AMMECR1: variants seen among roughly 807,000 people sequenced by gnomAD.
AMMECR1 encodes the protein nuclear protein AMMECR1.
In AMMECR1, 3 loss-of-function variants were observed where a neutral mutation model predicts 22.5. The ratio of observed to expected loss-of-function variants is 0.13; its 90% CI spans 0.06 to 0.35. The LOEUF is 0.35. AMMECR1 is among the 10% of genes least tolerant of loss of function. AMMECR1 has a pLI of 1.00. For synonymous variants in AMMECR1, 130 were observed against 116.7 expected (o/e 1.11, Z -0.74); for missense variants, 235 against 278.7 (o/e 0.84, Z 1.12).
chrX:110,433,503 A>G (rs1174169888), intron 1 of AMMECR1, among the ~76,000 whole-genome samples: 2 of 111,686 alleles, frequency 1.8e-5, no homozygotes, highest in African/African-American at 6.5e-5. Flanking sequence ...GAAGGAAGGG[A>G]AAAACTGGAG....
At chrX:110,345,045 T>C (rs1270381639) in intron 2 of AMMECR1, among the ~76,000 whole-genome samples, 1 of 112,048 alleles carries the variant, frequency 8.9e-6, no homozygotes, top group Non-Finnish European at 1.9e-5. Flanking sequence ...CACATGCACA[T>C]GTATGTTTAT....
intron 1 of AMMECR1, among the ~76,000 whole-genome samples, chrX:110,281,226 G>A (rs986349312): frequency 8.9e-6 from 1 of 112,050 alleles, no homozygotes; most frequent in Admixed American, 9.5e-5. Context: ...TTAAACTCAA[G>A]TATATTTGCC....
At chrX:110,225,692 A>C (rs1459580590) in intron 2 of AMMECR1, among the ~76,000 whole-genome samples, 1 of 112,255 alleles carries the variant, frequency 8.9e-6, no homozygotes, top group Non-Finnish European at 1.9e-5. Flanking sequence ...ATTGGTACTC[A>C]AAAGTTTTGG....
chrX:110,345,212 G>A (rs1290389279), intron 2 of AMMECR1, among the ~76,000 whole-genome samples: 3 of 111,104 alleles, frequency 2.7e-5, no homozygotes, highest in Non-Finnish European at 5.7e-5. Context: ...GGATGAAGCT[G>A]GAAACCATCA....
At chrX:110,386,866 AAC>A (rs1174543075) in intron 2 of AMMECR1, among the ~76,000 whole-genome samples, 5 of 112,464 alleles carry the variant, frequency 4.4e-5, no homozygotes, top group Non-Finnish European at 9.4e-5. Context: ...AGAGCTTCAT[AAC>A]ACAGAAGAGA....
At chrX:110,354,261 A>C (rs1434498292) in intron 2 of AMMECR1, among the ~76,000 whole-genome samples, 1 of 111,983 alleles carries the variant, frequency 8.9e-6, no homozygotes, top group Non-Finnish European at 1.9e-5. Flanking sequence ...ATTTCAACAT[A>C]CAGCGAGCCC....
At chrX:110,297,288 C>A (rs1463845934) in intron 1 of AMMECR1, among the ~76,000 whole-genome samples, 1 of 111,842 alleles carries the variant, frequency 8.9e-6, no homozygotes, top group Non-Finnish European at 1.9e-5. Context: ...CAGGCAGATA[C>A]AGTATTAAAC....
intron 1 of AMMECR1, among the ~76,000 whole-genome samples, chrX:110,296,831 A>C (rs748220551): frequency 2.8e-4 from 31 of 110,529 alleles, no homozygotes; most frequent in African/African-American, 9.8e-4. Context: ...ACAATAACAG[A>C]TTTAAAGTTT....
chrX:110,342,451 A>C (rs1053306174), intron 2 of AMMECR1, among the ~76,000 whole-genome samples: 4 of 110,429 alleles, frequency 3.6e-5, no homozygotes, highest in Non-Finnish European at 7.6e-5. Flanking sequence ...AGCTCACTGC[A>C]CCCTCCGCCT....
At chrX:110,226,792 T>C (rs1406482053) in intron 2 of AMMECR1, among the ~76,000 whole-genome samples, 1 of 111,871 alleles carries the variant, frequency 8.9e-6, no homozygotes, top group Non-Finnish European at 1.9e-5. Flanking sequence ...CTTCCGTTCA[T>C]AGGATTTAAC....
chrX:110,379,912 T>C (rs1049656126), intron 2 of AMMECR1, among the ~76,000 whole-genome samples: 13 of 111,659 alleles, frequency 1.2e-4, no homozygotes, highest in Admixed American at 1.0e-3. Context: ...TATCATAAAA[T>C]TTATTTCTTG....
intron 2 of AMMECR1, among the ~76,000 whole-genome samples, chrX:110,351,102 A>G (rs1175116370): frequency 1.8e-5 from 2 of 112,711 alleles, no homozygotes; most frequent in African/African-American, 3.2e-5. Flanking sequence ...GTGGAAGAAA[A>G]CATAAGTAAA....
intron 2 of AMMECR1, among the ~76,000 whole-genome samples, chrX:110,235,930 G>T (rs769832419): frequency 4.5e-5 from 5 of 110,552 alleles, no homozygotes; most frequent in African/African-American, 1.6e-4. Flanking sequence ...CCTGCACGTT[G>T]TGCAGACGTA....
intron 2 of AMMECR1, among the ~76,000 whole-genome samples, chrX:110,228,353 C>A (rs1164147156): frequency 1.8e-5 from 2 of 111,101 alleles, no homozygotes; most frequent in African/African-American, 6.6e-5. Flanking sequence ...CAAATGTCAG[C>A]TAGAAGCGCT....
intron 1 of AMMECR1, among the ~76,000 whole-genome samples, chrX:110,281,772 C>T (rs890511259): frequency 1.8e-5 from 2 of 112,049 alleles, no homozygotes; most frequent in African/African-American, 3.2e-5. Flanking sequence ...TGATAGATAC[C>T]ACAATTTAGT....
At chrX:110,290,279 G>A (rs1421887006) in intron 1 of AMMECR1, among the ~76,000 whole-genome samples, 1 of 111,260 alleles carries the variant, frequency 9.0e-6, no homozygotes, top group African/African-American at 3.3e-5. Context: ...TCTCACCCTT[G>A]CCTCCCCCGT....
At chrX:110,246,355 ATAAAAG>A (rs1343407766) in intron 2 of AMMECR1, among the ~76,000 whole-genome samples, 2 of 112,384 alleles carry the variant, frequency 1.8e-5, no homozygotes, top group Non-Finnish European at 3.8e-5. Context: ...ATTCCTAAAA[ATAAAAG>A]TAAATCACCT....
intron 2 of AMMECR1, among the ~76,000 whole-genome samples, chrX:110,382,309 A>G (rs1263499650): frequency 9.1e-6 from 1 of 109,397 alleles, no homozygotes; most frequent in Admixed American, 9.7e-5. Context: ...CGAATAAGCA[A>G]CGTTCCAATT....
At chrX:110,432,410 T>G (rs1345864134) in intron 1 of AMMECR1, among the ~76,000 whole-genome samples, 2 of 110,357 alleles carry the variant, frequency 1.8e-5, no homozygotes, top group Non-Finnish European at 3.8e-5. Flanking sequence ...CAAGGGTGAG[T>G]GGTAGTGGTA....
Sources: allele counts gnomAD v4.1 joint callset (sites outside exome capture counted in the v4.1 genomes callset), GRCh38; gene constraint gnomAD v4.1.1; transcripts MANE v1.5; gene names NCBI Gene and HGNC (gene_info 2026-07-23, HGNC 2026-07-21).